The following NUMA1 variants were observed in gnomAD, a reference collection of about 807,000 sequenced individuals.
NUMA1 encodes the protein nuclear mitotic apparatus protein 1.
NUMA1 carries 62 observed loss-of-function variants against 237.1 expected under a neutral mutation model. The observed-to-expected ratio is 0.26, with a 90% CI of 0.21 to 0.32. The LOEUF (loss-of-function observed/expected upper bound fraction) is 0.32, where lower values mean the gene tolerates loss of function less well. NUMA1 is among the 10% of genes least tolerant of loss of function. The probability of loss-of-function intolerance (pLI) is 1.00; values close to 1 mark genes in which losing one functional copy is unlikely to be tolerated. For synonymous variants in NUMA1, 1,028 were observed against 1,066.1 expected (o/e 0.96, Z 0.70); for missense variants, 2,533 against 2,666.5 (o/e 0.95, Z 1.10).
chr11:72,026,074 T>C (rs1430551251), intron 4 of NUMA1, among the ~76,000 whole-genome samples: 3 of 152,258 alleles, frequency 2.0e-5, no homozygotes, highest in Admixed American at 6.5e-5. Context: ...CTAAACCTAT[T>C]TGACCACAAA....
At chr11:72,073,434 TAGA>T (rs1477330950) in intron 1 of NUMA1, among the ~76,000 whole-genome samples, 3 of 152,086 alleles carry the variant, frequency 2.0e-5, no homozygotes, top group Non-Finnish European at 2.9e-5. Context: ...GCTGCATTAG[TAGA>T]AGATGACTCT....
intron 9 of NUMA1, among the ~76,000 whole-genome samples, chr11:72,019,248 C>T (rs964278932): frequency 6.6e-6 from 1 of 152,084 alleles, no homozygotes; most frequent in African/African-American, 2.4e-5. Flanking sequence ...GAAGAGACTT[C>T]ATTGTAGTCT....
chr11:72,008,136 T>C (rs765191131), intron 20 of NUMA1: 29 of 479,294 alleles, frequency 6.1e-5, no homozygotes, highest in South Asian at 4.3e-4. Context: ...TTGTCATGAG[T>C]GCTTTATGTC....
chr11:72,064,613 G>A (rs866887754), intron 2 of NUMA1, among the ~76,000 whole-genome samples: 7 of 152,102 alleles, frequency 4.6e-5, no homozygotes, highest in Non-Finnish European at 5.9e-5. Flanking sequence ...CAGGTGAATC[G>A]CTTGGGCTCA....
In NUMA1 at chr11:72,018,498, A is replaced by T; in HGVS notation, c.758T>A (p.Met253Lys). Reference protein sequence around the residue: ...LLTEKDAQIAMMQQRIDRLAL... With the variant: ...LLTEKDAQIAKMQQRIDRLAL... ...TAGGCGGTCAATGCGCTGCTGCATC[A>T]TGGCTATCTGTGCATCTGCCCAGAG... The change falls in exon 11 of 27, where the codon ATG (methionine) becomes AAG (lysine). Residue 253 changes from methionine (M) to lysine (K), a missense_variant. Met to Lys is a moderately conservative substitution (Grantham distance 95, BLOSUM62 -1). This residue lies in a region of NUMA1 where 1,414 missense variants were observed against 1,508.1 expected (regional missense o/e 0.94). Transcript: ENST00000393695. 6.2e-7 allele frequency: 1 copy of T among 1,614,092 alleles called. No individual in the cohort carries two copies. Among genetic ancestry groups the T allele is most frequent in the Non-Finnish European group, 8.5e-7 (1 of 1,179,966 alleles).
chr11:72,035,163 G>A (rs1940855100), intron 3 of NUMA1, among the ~76,000 whole-genome samples: 1 of 151,640 alleles, frequency 6.6e-6, no homozygotes, highest in African/African-American at 2.4e-5. Flanking sequence ...AGCCTCTCTA[G>A]CTTTAAATAT....
chr11:72,049,577 A>ATATATATATATATATATATATATATATG (rs1565275108), intron 2 of NUMA1: 4 of 19,938 alleles, frequency 2.0e-4, no homozygotes, highest in African/African-American at 4.3e-4. Flanking sequence ...ATATATATAT[A>ATATATATATATATATATATATATATATG]TATATAGTGT....
chr11:72,073,744 T>A (rs567562790), intron 1 of NUMA1, among the ~76,000 whole-genome samples: 26 of 152,326 alleles, frequency 1.7e-4, no homozygotes, highest in African/African-American at 5.8e-4. Flanking sequence ...AAGTTCAGAA[T>A]GTGGGATGTA....
chr11:72,034,446 C>T (rs1396218962), intron 3 of NUMA1, among the ~76,000 whole-genome samples: 2 of 151,870 alleles, frequency 1.3e-5, no homozygotes, highest in African/African-American at 2.4e-5. Context: ...TGGTGGCTCA[C>T]ACCTGTAATC....
chr11:72,004,108 A>G lies in NUMA1; in HGVS notation c.6124-9T>C, dbSNP rs772391872. 18 of 1,613,002 alleles carry G rather than the reference A, an allele frequency of 1.1e-5. No homozygotes were observed. Among genetic ancestry groups the G allele is most frequent in the Admixed American group, 6.7e-5 (4 of 59,760 alleles). Reference sequence around the variant, plus strand: ...GACTGGCGCCGGTCAGCCTGCAAGGAAGGGCTGTCAGACCGGGAGACCCAA... The same window carrying G: ...GACTGGCGCCGGTCAGCCTGCAAGGGAGGGCTGTCAGACCGGGAGACCCAA... On this transcript the variant is annotated splice_polypyrimidine_tract_variant and intron_variant, in intron 25 of 26. Transcript: ENST00000393695.
intron 2 of NUMA1, chr11:72,050,826 TGCCACA>T (rs1374936251): frequency 6.6e-6 from 1 of 152,080 alleles, no homozygotes; most frequent in African/African-American, 2.4e-5. Context: ...ACACTGCTTC[TGCCACA>T]GCTCATGAAA....
Position 72,009,161 on chromosome 11 carries a change from CATA to C in NUMA1, c.4861_4863del (p.Tyr1621del), listed in dbSNP as rs1384333654. The C allele has an allele frequency of 2.3e-6, 3 of 1,328,852 alleles. No homozygotes were observed. The highest frequency in any genetic ancestry group is 1.1e-5 in the South Asian group (1 of 87,012). 82.3% of individuals were successfully genotyped at this position (1,328,852 alleles called of 1,614,324 possible). Reference sequence around the variant, plus strand: ...TCTTGGTTCTGCTGCTTCTTGGCATCATAATGTGTTTTGGCTTTCTCCATCTGT... The same window carrying C: ...TCTTGGTTCTGCTGCTTCTTGGCATCATGTGTTTTGGCTTTCTCCATCTGT... On this transcript the variant is annotated inframe_deletion, in exon 19 of 27. Coordinates refer to ENST00000393695, the MANE Select transcript of NUMA1 (RefSeq NM_006185.4).
Position 72,012,473 on chromosome 11 carries a change from A to C in NUMA1, c.4609-31T>G, listed in dbSNP as rs781416200. ...CATGGGGGAGGAGCAACAGAGACAG[A>C]GTGAGATGAGGCCAAAGAAGCACCA... On this transcript the variant is annotated intron_variant, in intron 15 of 26. Transcript: ENST00000393695. The C allele has an allele frequency of 4.4e-6, 7 of 1,606,818 alleles. No individual in the cohort carries two copies. In the East Asian group the frequency reaches 1.6e-4, roughly 36 times the overall value.
intron 1 of NUMA1, 71 bp from the exon 2 acceptor site, chr11:72,069,982 C>T (rs1004551566): frequency 3.3e-5 from 5 of 152,120 alleles, no homozygotes; most frequent in Non-Finnish European, 5.9e-5. Context: ...TGAGCTCAGC[C>T]TCACATTATC....
chr11:72,005,200 T>TG, intron 23 of NUMA1, 33 bp downstream of exon 23: 1 of 1,539,480 alleles, frequency 6.5e-7, no homozygotes. Context: ...AGGGCAGGGA[T>TG]GGGAGGCCCT....
intron 17 of NUMA1, among the ~76,000 whole-genome samples, chr11:72,010,436 C>T (rs1049648604): frequency 1.3e-5 from 2 of 152,248 alleles, no homozygotes; most frequent in African/African-American, 4.8e-5. Context: ...TGTTCTGTAT[C>T]TGCGCTGTCC....
Position 72,014,863 on chromosome 11 carries a change from G to C in NUMA1, c.2640C>G (p.Asn880Lys), listed in dbSNP as rs1241667726. 2 of 1,614,228 alleles carry C rather than the reference G, an allele frequency of 1.2e-6. No individual in the cohort carries two copies. The highest frequency in any genetic ancestry group is 3.3e-5 in the Admixed American group (2 of 60,026). ...QQNELAELHA[N>K]LARALQQVQE... is the part of the protein sequence containing the mutation. ...GGACCTGCTGGAGTGCTCTGGCCAG[G>C]TTGGCATGGAGCTCAGCTAGTTCGT... Residue 880 changes from asparagine (N) to lysine (K), a missense_variant, in exon 15 of 27, where the codon AAC becomes AAG. Transcript: ENST00000393695. The surrounding 1 kb of genome is among the most constrained non-coding windows in gnomAD (Gnocchi z 4.6).
Position 72,023,096 on chromosome 11 carries a change from A to G in NUMA1, c.260T>C (p.Val87Ala). Residue 87 changes from valine (V) to alanine (A), a missense_variant, in exon 6 of 27, where the codon GTG (valine) becomes GCG (alanine). Physicochemically the swap from Val to Ala is moderately conservative, Grantham distance 64. Transcript: ENST00000393695. Reference protein sequence around the residue: ...SPECLVSAQKVLEGSELELAK... With the variant: ...SPECLVSAQKALEGSELELAK... ...CAGTTCCAGCTCTGATCCCTCTAGC[A>G]CCTTCTGTGCAGATACCAGGCATTC... 1 of 1,613,856 alleles carries G rather than the reference A, an allele frequency of 6.2e-7. No homozygotes were observed.
chr11:72,072,983 C>A (rs913381249), intron 1 of NUMA1, among the ~76,000 whole-genome samples: 1 of 139,550 alleles, frequency 7.2e-6, no homozygotes, highest in South Asian at 2.4e-4. Context: ...GGAGGCGGAG[C>A]TTGCAGTGAG....
Sources: allele counts gnomAD v4.1 joint callset (sites outside exome capture counted in the v4.1 genomes callset), GRCh38; gene constraint gnomAD v4.1.1; regional missense constraint gnomAD v4.1.1; non-coding constraint Gnocchi (gnomAD v3.1); transcripts MANE v1.5; gene names NCBI Gene and HGNC (gene_info 2026-07-23, HGNC 2026-07-21).